Variants in FREM1 observed in about 807,000 individuals in gnomAD.
FREM1 encodes FRAS1-related extracellular matrix protein 1.
A neutral mutation model predicts 210.1 loss-of-function variants in FREM1; 220 were observed. That is an observed-to-expected ratio of 1.05 (90% CI 0.94 to 1.17). The LOEUF (loss-of-function observed/expected upper bound fraction) is 1.17. Among genes scored for constraint, FREM1 ranks in the 50% most tolerant of loss-of-function variants. The pLI, the probability that FREM1 is intolerant of heterozygous loss-of-function variation, is 0.00. For synonymous variants in FREM1, 1,189 were observed against 980.2 expected, an observed-to-expected ratio of 1.21 and a Z score of -3.98; for missense variants, 3,454 against 2,675.5, an observed-to-expected ratio of 1.29 and a Z score of -6.42.
chr9:14,746,244 T>C (rs1842401578), intron 35 of FREM1, 109 bp downstream of exon 35: 1 of 755,130 alleles, frequency 1.3e-6, no homozygotes, highest in Non-Finnish European at 2.2e-6. Flanking sequence ...CAGGCAGATA[T>C]TAGGCACTCA....
rs145240062 is a variant in FREM1, at chr9:14,828,775, C to A, written c.1882-3783G>T. Among the ~76,000 whole-genome samples, 352 of 152,186 alleles carry A rather than the reference C, an allele frequency of 2.3e-3. 1 individual carries two copies. The highest frequency in any genetic ancestry group is 8.0e-3 in the African/African-American group (331 of 41,504). On this transcript the variant is annotated intron_variant, in intron 10 of 36. Transcript: ENST00000380880. ...TTAAACAAACTTAGACATCCCTCAA[C>A]TAGCATACTTATTCTAATGTTTTGT...
chr9:14,786,455 G>C (rs1044541132), intron 23 of FREM1, among the ~76,000 whole-genome samples: 40 of 152,266 alleles, frequency 2.6e-4, no homozygotes, highest in African/African-American at 8.9e-4. Context: ...GAAGAAATAA[G>C]AAATACAAAT....
rs1243256514 is a variant in FREM1, at chr9:14,757,398, C to T, written c.5335-952G>A. 2.0e-5 allele frequency among the ~76,000 whole-genome samples: 3 copies of T among 152,066 alleles called. No individual in the cohort carries two copies. The South Asian group carries it at 6.2e-4, about 32-fold the overall frequency. On this transcript the variant is annotated intron_variant, in intron 28 of 36. Coordinates refer to ENST00000380880, the MANE Select transcript of FREM1 (RefSeq NM_001379081.2). ...GGTGAAACCCCGTCTCTACCAAAAA[C>T]AAAAAAATTGGCCAGGCATGGTGGC...
intron 8 of FREM1, among the ~76,000 whole-genome samples, chr9:14,845,506 T>C (rs1826440846): frequency 1.3e-5 from 2 of 152,172 alleles, no homozygotes; most frequent in South Asian, 4.1e-4. Flanking sequence ...AGTTTTACCA[T>C]ATTGGTCAGG....
In FREM1 at chr9:14,906,108, C is replaced by A. The variant is rs192085672; in HGVS notation, c.-268+3806G>T. Among the ~76,000 whole-genome samples, 122 of 152,196 alleles carry A rather than the reference C, an allele frequency of 8.0e-4. 1 individual carries two copies. Among genetic ancestry groups the A allele is most frequent in the African/African-American group, 2.8e-3 (116 of 41,522 alleles). ...CATTATACTTGTATTAGCCGTCTCC[C>A]AAAGAAGAAATATTTATTAAACACT... is the stretch of plus-strand genomic sequence containing the variant. On this transcript the variant is annotated intron_variant, in intron 1 of 36. Coordinates refer to ENST00000380880, the MANE Select transcript of FREM1 (RefSeq NM_001379081.2).
At chr9:14,755,125 A>G (rs1844079232) in intron 29 of FREM1, among the ~76,000 whole-genome samples, 1 of 152,132 alleles carries the variant, frequency 6.6e-6, no homozygotes, top group Non-Finnish European at 1.5e-5. Context: ...TGACAGCTTG[A>G]TCTTGGGCCT....
intron 35 of FREM1, among the ~76,000 whole-genome samples, chr9:14,744,709 T>G (rs1842114875): frequency 6.6e-6 from 1 of 152,200 alleles, no homozygotes; most frequent in Admixed American, 6.5e-5. Context: ...TTATACAACA[T>G]TTTTATGAAG....
chr9:14,749,794 G>T (rs575837151), intron 30 of FREM1, among the ~76,000 whole-genome samples: 12 of 152,266 alleles, frequency 7.9e-5, no homozygotes, highest in African/African-American at 2.9e-4. Context: ...CTTTAACAGA[G>T]AAAGATAATT....
At chr9:14,793,437 C>T (rs1424235538) in intron 21 of FREM1, among the ~76,000 whole-genome samples, 3 of 152,200 alleles carry the variant, frequency 2.0e-5, no homozygotes, top group African/African-American at 7.2e-5. Flanking sequence ...GTAGATTCAT[C>T]TTTTCCCAGT....
chr9:14,870,740 G>C (rs1244512123), intron 1 of FREM1, among the ~76,000 whole-genome samples: 1 of 151,288 alleles, frequency 6.6e-6, no homozygotes, highest in African/African-American at 2.4e-5. Flanking sequence ...TGCCATGCTG[G>C]TGTGCTGCAC....
rs1001621769 is a variant in FREM1 at position 14,862,253 on chromosome 9, T to C, written c.329+1556A>G. 3.3e-5 allele frequency among the ~76,000 whole-genome samples: 5 copies of C among 152,232 alleles called. No individual in the cohort carries two copies. In the South Asian group the frequency reaches 1.0e-3, roughly 32 times the overall value. ...TGTTGATTATGCTCAACGTACAGCCTGGCCTGTAATAGGTGGTCATAAATG... is the reference window on the plus strand; with the variant it reads ...TGTTGATTATGCTCAACGTACAGCCCGGCCTGTAATAGGTGGTCATAAATG... On this transcript the variant is annotated intron_variant, in intron 3 of 36. Coordinates refer to ENST00000380880, the MANE Select transcript of FREM1 (RefSeq NM_001379081.2).
chr9:14,873,790 C>G (rs1236800129), intron 1 of FREM1, among the ~76,000 whole-genome samples: 2 of 152,038 alleles, frequency 1.3e-5, no homozygotes, highest in African/African-American at 4.8e-5. Flanking sequence ...TTCCTGCTTT[C>G]TCTTGTGGGC....
intron 1 of FREM1, among the ~76,000 whole-genome samples, chr9:14,902,801 A>T (rs1430797059): frequency 6.6e-6 from 1 of 152,210 alleles, no homozygotes; most frequent in Non-Finnish European, 1.5e-5. Flanking sequence ...TCCAGAGTAT[A>T]TTACAAACTG....
intron 8 of FREM1, among the ~76,000 whole-genome samples, chr9:14,844,361 G>A (rs1190859483): frequency 2.0e-5 from 3 of 151,964 alleles, no homozygotes; most frequent in Non-Finnish European, 4.4e-5. Flanking sequence ...GAGTAGCTGG[G>A]GCTACAGGCA....
intron 10 of FREM1, among the ~76,000 whole-genome samples, chr9:14,830,226 G>A (rs931003019): frequency 6.6e-6 from 1 of 152,206 alleles, no homozygotes; most frequent in Non-Finnish European, 1.5e-5. Flanking sequence ...GATACCAGCT[G>A]GTGGAGTATT....
At chr9:14,808,212 C>A in intron 16 of FREM1, 78 bp from the exon 17 acceptor site, 1 of 879,960 alleles carries the variant, frequency 1.1e-6, no homozygotes, top group Non-Finnish European at 1.7e-6. Flanking sequence ...CACACCTCTT[C>A]TACAAGCATT....
intron 10 of FREM1, among the ~76,000 whole-genome samples, chr9:14,827,452 G>A (rs1364691442): frequency 1.3e-5 from 2 of 152,184 alleles, no homozygotes; most frequent in Admixed American, 1.3e-4. Flanking sequence ...ACGTTGCATG[G>A]CTTTTCTTGA....
intron 1 of FREM1, among the ~76,000 whole-genome samples, chr9:14,875,963 AT>A: frequency 1.3e-5 from 2 of 152,300 alleles, no homozygotes; most frequent in South Asian, 4.2e-4. Context: ...TTGCCTGGGT[AT>A]CCACAGCAGT....
At chr9:14,814,927 A>T (rs566809885) in intron 15 of FREM1, among the ~76,000 whole-genome samples, 1 of 152,328 alleles carries the variant, frequency 6.6e-6, no homozygotes, top group East Asian at 1.9e-4. Context: ...TGGATGGAAG[A>T]TAGGGTTGGG....
Sources: gnomAD v4.1 joint callset for allele counts (sites outside exome capture counted in the v4.1 genomes callset) on GRCh38, gnomAD v4.1.1 for gene constraint, MANE v1.5 for transcripts, NCBI Gene and HGNC (gene_info 2026-07-23, HGNC 2026-07-21) for gene names.